Variants in CNTN4 observed in about 807,000 individuals in gnomAD.
CNTN4 encodes contactin-4.
CNTN4 carries 77 observed loss-of-function variants against 122.5 expected under a neutral mutation model. That is an observed-to-expected ratio of 0.63 (90% confidence interval 0.52 to 0.76). CNTN4 has a LOEUF of 0.76. CNTN4 is among the 30% of genes least tolerant of loss of function. CNTN4 has a pLI of 0.00. For synonymous variants in CNTN4, 512 were observed against 447.0 expected (o/e 1.15, Z -1.83); for missense variants, 1,256 against 1,259.1 (o/e 1.00, Z 0.04).
At chr3:2,560,052 G>C (rs1423147172) in intron 3 of CNTN4, among the ~76,000 whole-genome samples, 1 of 152,098 alleles carries the variant, frequency 6.6e-6, no homozygotes, top group Non-Finnish European at 1.5e-5. Context: ...ACATGAGATG[G>C]GAGATCCCAT....
rs1021653527 is a variant in CNTN4, at chr3:2,520,239, G to A, written c.-88-51177G>A. ...CATGATTTACATTACCATAGAAAAA[G>A]ATAGGTTGGTGATTGCTTCCTTTTT... On this transcript the variant is annotated intron_variant, in intron 3 of 24. Coordinates refer to ENST00000418658, the MANE Select transcript of CNTN4 (RefSeq NM_175607.3). 1.9e-3 allele frequency among the ~76,000 whole-genome samples: 260 copies of A among 135,782 alleles called. 2 individuals carry two copies. Among genetic ancestry groups the A allele is most frequent in the Non-Finnish European group, 1.4e-3 (91 of 64,894 alleles). The allele number at this position is 135,782 out of a possible 152,430, so 89.1% of individuals were successfully genotyped here.
At chr3:2,805,314 C>T (rs1474908714) in intron 6 of CNTN4, among the ~76,000 whole-genome samples, 2 of 152,088 alleles carry the variant, frequency 1.3e-5, no homozygotes, top group Admixed American at 6.5e-5. Flanking sequence ...GATAGAAGAG[C>T]AATTGGAGTT....
Position 2,101,737 on chromosome 3 carries a change from T to C in CNTN4, c.-145+1098T>C, listed in dbSNP as rs892476142. Among the ~76,000 whole-genome samples the C allele has an allele frequency of 6.5e-4, 99 of 151,784 alleles. 1 individual carries two copies. Among genetic ancestry groups the C allele is most frequent in the Admixed American group, 6.5e-3 (99 of 15,266 alleles). On this transcript the variant is annotated intron_variant, in intron 2 of 24. Transcript: ENST00000418658. ...TATAAACTGAAGACATGCTGTTATA[T>C]GATACACTACTTATAAAACACACAA... is the stretch of plus-strand genomic sequence containing the variant.
At position 2,819,525 on chromosome 3, in the gene CNTN4, C is replaced by T; in HGVS notation, c.398C>T (p.Ser133Phe). Residue 133 changes from serine (S) to phenylalanine (F), a missense_variant, in exon 7 of 25, where the codon TCT becomes TTT. Ser to Phe is a radical substitution (Grantham distance 155). Transcript: ENST00000418658. ...AAAACAAGAACAAGAAGCACTGTGT[C>T]TGTCCGTCGAGGTCAAGGAATGGTG... Reference protein sequence around the residue: ...NFKTRTRSTVSVRRGQGMVLL... With the variant: ...NFKTRTRSTVFVRRGQGMVLL... 6.2e-7 allele frequency: 1 copy of T among 1,614,182 alleles called. No individual in the cohort carries two copies. Among genetic ancestry groups the T allele is most frequent in the East Asian group, 2.2e-5 (1 of 44,884 alleles).
At chr3:2,731,260 G>C (rs946541482) in intron 4 of CNTN4, among the ~76,000 whole-genome samples, 2 of 151,956 alleles carry the variant, frequency 1.3e-5, no homozygotes, top group African/African-American at 2.4e-5. Flanking sequence ...CCCACTCCTT[G>C]TTGAAGCATG....
At chr3:2,569,075 G>T (rs2079305934) in intron 3 of CNTN4, among the ~76,000 whole-genome samples, 1 of 152,186 alleles carries the variant, frequency 6.6e-6, no homozygotes, top group Admixed American at 6.6e-5. Context: ...CACCATGCAT[G>T]TCAGAAGAGT....
At chr3:2,642,270 G>T (rs1043069202) in intron 4 of CNTN4, among the ~76,000 whole-genome samples, 5 of 152,146 alleles carry the variant, frequency 3.3e-5, no homozygotes, top group African/African-American at 1.2e-4. Context: ...GATTAAGCCC[G>T]TTCAGTCTTG....
chr3:2,574,173 G>A (rs538335307), intron 4 of CNTN4, among the ~76,000 whole-genome samples: 4 of 151,808 alleles, frequency 2.6e-5, no homozygotes, highest in African/African-American at 2.4e-5. Flanking sequence ...CCGAGATCAC[G>A]CCACTGCACT....
In CNTN4 at chr3:2,930,050, C is replaced by T. The variant is rs542988544; in HGVS notation, c.1358+4271C>T. Among the ~76,000 whole-genome samples the T allele has an allele frequency of 3.3e-5, 5 of 152,320 alleles. No individual in the cohort carries two copies. In the East Asian group the frequency reaches 5.8e-4, roughly 18 times the overall value. On this transcript the variant is annotated intron_variant, in intron 13 of 24. Transcript: ENST00000418658. ...AGATTATGTCCTTGCAACTTCCACT[C>T]ATTTTTGGTTTCACTTTGTGGAATT...
intron 2 of CNTN4, among the ~76,000 whole-genome samples, chr3:2,144,554 G>A (rs1049105679): frequency 2.6e-5 from 4 of 152,124 alleles, no homozygotes; most frequent in Non-Finnish European, 5.9e-5. Flanking sequence ...ATCATTGAGA[G>A]GGTTACATGT....
chr3:2,569,832 C>G (rs2616587), intron 3 of CNTN4, among the ~76,000 whole-genome samples: 26,061 of 152,080 alleles, frequency 0.17, 2,868 homozygotes, highest in Non-Finnish European at 0.24. Context: ...AAGCTCACCT[C>G]CTTTGTGAAG....
At chr3:2,306,418 G>A (rs2042705341) in intron 2 of CNTN4, among the ~76,000 whole-genome samples, 1 of 152,128 alleles carries the variant, frequency 6.6e-6, no homozygotes, top group African/African-American at 2.4e-5. Context: ...CATCTTTCAT[G>A]TACTTGTTGG....
rs940931715 is a variant in CNTN4 at position 2,139,652 on chromosome 3, G to C, written c.-145+39013G>C. On this transcript the variant is annotated intron_variant, in intron 2 of 24. Coordinates refer to ENST00000418658, the MANE Select transcript of CNTN4 (RefSeq NM_175607.3). ...ATCACTGAAATTCTAATGTGAGCCT[G>C]ATGGCAACTTGAGTTGAAGGGCATT... is the stretch of plus-strand genomic sequence containing the variant. Among the ~76,000 whole-genome samples the C allele has an allele frequency of 4.6e-5, 7 of 152,360 alleles. No individual in the cohort carries two copies. In the East Asian group the frequency reaches 1.4e-3, roughly 29 times the overall value.
At chr3:2,307,206 C>T (rs548668760) in intron 2 of CNTN4, among the ~76,000 whole-genome samples, 606 of 152,218 alleles carry the variant, frequency 4.0e-3, no homozygotes, top group African/African-American at 7.1e-3. Flanking sequence ...GAGGCTGAGG[C>T]GGGCAGACCA....
intron 2 of CNTN4, among the ~76,000 whole-genome samples, chr3:2,276,927 A>G (rs1379837125): frequency 6.6e-6 from 1 of 152,190 alleles, no homozygotes; most frequent in Non-Finnish European, 1.5e-5. Flanking sequence ...GGTTTGGTCT[A>G]CAAATATAGT....
At chr3:2,653,679 G>A (rs2083459983) in intron 4 of CNTN4, among the ~76,000 whole-genome samples, 2 of 151,946 alleles carry the variant, frequency 1.3e-5, no homozygotes, top group South Asian at 2.1e-4. Context: ...ATCTCTTTTT[G>A]TATTGCTTCT....
intron 2 of CNTN4, among the ~76,000 whole-genome samples, chr3:2,181,043 T>C (rs996779831): frequency 6.6e-6 from 1 of 152,126 alleles, no homozygotes; most frequent in African/African-American, 2.4e-5. Flanking sequence ...TTGTTTTTAG[T>C]TTATCAGTGA....
intron 15 of CNTN4, among the ~76,000 whole-genome samples, chr3:3,026,773 G>A (rs1039709264): frequency 2.0e-5 from 3 of 152,108 alleles, no homozygotes; most frequent in African/African-American, 7.2e-5. Context: ...GTCTGATGGG[G>A]TTATTTACTA....
At chr3:2,259,237 C>A (rs2040723417) in intron 2 of CNTN4, among the ~76,000 whole-genome samples, 7 of 152,108 alleles carry the variant, frequency 4.6e-5, no homozygotes. Flanking sequence ...AAGGAATCTG[C>A]TAACCAATCA....
Sources: gnomAD v4.1 joint callset for allele counts (sites outside exome capture counted in the v4.1 genomes callset) on GRCh38, gnomAD v4.1.1 for gene constraint, MANE v1.5 for transcripts, NCBI Gene and HGNC (gene_info 2026-07-23, HGNC 2026-07-21) for gene names.